The following RABGEF1 variants were observed in gnomAD, a reference collection of about 807,000 sequenced individuals.
RABGEF1 encodes the protein RAB guanine nucleotide exchange factor 1, also known as rab5 GDP/GTP exchange factor.
In RABGEF1, 26 loss-of-function variants were observed where a neutral mutation model predicts 57.3. The observed-to-expected ratio is 0.45, with a 90% CI of 0.33 to 0.63. RABGEF1 has a LOEUF of 0.63. Ranked by LOEUF, RABGEF1 falls within the 20% of genes least tolerant of loss-of-function variation. RABGEF1 has a pLI of 0.02. For synonymous variants in RABGEF1, 185 were observed against 210.7 expected (o/e 0.88, Z 1.06); for missense variants, 464 against 607.6 (o/e 0.76, Z 2.48).
intron 2 of RABGEF1, among the ~76,000 whole-genome samples, chr7:66,732,342 G>C (rs1398269344): frequency 6.6e-6 from 1 of 152,242 alleles, no homozygotes. Flanking sequence ...GTTGGGCTCA[G>C]GCCTGGCATC....
In RABGEF1 at chr7:66,808,366, C is replaced by T. The variant is rs908579092; in HGVS notation, c.1078-520C>T. ...AGGTAGCGGGGATTACAGGCGCCCA[C>T]AACTGCGCCCAGCTAATTTTTGTAT... On this transcript the variant is annotated intron_variant, in intron 8 of 8. Transcript: ENST00000284957. Among the ~76,000 whole-genome samples the T allele has an allele frequency of 4.6e-5, 7 of 152,116 alleles. No homozygotes were observed. In the East Asian group the frequency reaches 1.2e-3, roughly 25 times the overall value.
intron 1 of RABGEF1, among the ~76,000 whole-genome samples, chr7:66,703,582 C>T (rs936636618): frequency 3.3e-5 from 5 of 152,176 alleles, no homozygotes; most frequent in African/African-American, 1.2e-4. Context: ...ATGATCTTGA[C>T]ACCTTTTTCG....
At chr7:66,727,015 A>T (rs1796662593) in intron 2 of RABGEF1, among the ~76,000 whole-genome samples, 1 of 152,172 alleles carries the variant, frequency 6.6e-6, no homozygotes, top group South Asian at 2.1e-4. Context: ...AAAAATAATA[A>T]AATAAAATAT....
chr7:66,732,463 T>C (rs1183714910), intron 2 of RABGEF1, among the ~76,000 whole-genome samples: 1 of 152,056 alleles, frequency 6.6e-6, no homozygotes, highest in Non-Finnish European at 1.5e-5. Flanking sequence ...GGGGAGACTT[T>C]CCAGGTGAGA....
chr7:66,791,801 C>T (rs1425723436), intron 4 of RABGEF1, among the ~76,000 whole-genome samples: 1 of 152,186 alleles, frequency 6.6e-6, no homozygotes, highest in Non-Finnish European at 1.5e-5. Context: ...AAAAATAAAA[C>T]GACAACTTTA....
chr7:66,794,207 ATTTTTTTTTT>A (rs1174835014), intron 4 of RABGEF1, among the ~76,000 whole-genome samples: 1 of 91,104 alleles, frequency 1.1e-5, no homozygotes, highest in African/African-American at 4.4e-5. Flanking sequence ...TCCATGTTTA[ATTTTTTTTTT>A]TTTTTTTTTT....
chr7:66,662,281 A>G, the RABGEF1 span, among the ~76,000 whole-genome samples: 1 of 151,966 alleles, frequency 6.6e-6, no homozygotes, highest in African/African-American at 2.4e-5. Flanking sequence ...AGCCTGTGCA[A>G]CATAGCGAAA....
chr7:66,779,954 C>G (rs1378898140), intron 3 of RABGEF1, among the ~76,000 whole-genome samples: 1 of 152,096 alleles, frequency 6.6e-6, no homozygotes, highest in Non-Finnish European at 1.5e-5. Context: ...TTTTAGGAAG[C>G]TTGGAGAAAA....
intron 2 of RABGEF1, among the ~76,000 whole-genome samples, chr7:66,735,062 ACTAG>A (rs1797791749): frequency 6.6e-6 from 1 of 152,208 alleles, no homozygotes; most frequent in Non-Finnish European, 1.5e-5. Context: ...TTTATTTCCT[ACTAG>A]CTAGTCTAGA....
chr7:66,739,204 C>T (rs562831464), upstream of RABGEF1, among the ~76,000 whole-genome samples: 1 of 151,980 alleles, frequency 6.6e-6, no homozygotes, highest in East Asian at 2.0e-4. Flanking sequence ...CCCGCCTCGG[C>T]TTCCCAAAGT....
chr7:66,671,438 G>C, the RABGEF1 span, among the ~76,000 whole-genome samples: 6 of 152,166 alleles, frequency 3.9e-5, no homozygotes, highest in African/African-American at 1.4e-4. Context: ...AACATGGAGA[G>C]TACCTTTAGA....
intron 1 of RABGEF1, among the ~76,000 whole-genome samples, chr7:66,684,927 A>G (rs745386323): frequency 1.3e-5 from 2 of 152,012 alleles, no homozygotes; most frequent in Non-Finnish European, 2.9e-5. Flanking sequence ...GAGCCACTGT[A>G]TCTGGCCTAA....
At chr7:66,700,665 C>T (rs1344958443) in intron 1 of RABGEF1, among the ~76,000 whole-genome samples, 3 of 152,206 alleles carry the variant, frequency 2.0e-5, no homozygotes, top group Middle Eastern at 3.2e-3. Context: ...TCCCTGGTCA[C>T]ACTTCTGCCA....
chr7:66,664,353 G>A, the RABGEF1 span, among the ~76,000 whole-genome samples: 1 of 152,110 alleles, frequency 6.6e-6, no homozygotes, highest in African/African-American at 2.4e-5. Flanking sequence ...GCCGAGGCGG[G>A]CAGATTACTT....
At chr7:66,685,803 T>C (rs1790534166) in intron 1 of RABGEF1, among the ~76,000 whole-genome samples, 2 of 152,200 alleles carry the variant, frequency 1.3e-5, no homozygotes, top group South Asian at 2.1e-4. Context: ...GCTAGAGACA[T>C]AGAATTTCAG....
At chr7:66,690,576 GT>G (rs1253123194) in intron 1 of RABGEF1, among the ~76,000 whole-genome samples, 3 of 151,154 alleles carry the variant, frequency 2.0e-5, no homozygotes, top group Admixed American at 2.0e-4. Flanking sequence ...TTAGCTGGGT[GT>G]GGTGTTACAT....
chr7:66,775,994 G>C (rs375096309), intron 3 of RABGEF1, among the ~76,000 whole-genome samples: 1 of 152,196 alleles, frequency 6.6e-6, no homozygotes, highest in Non-Finnish European at 1.5e-5. Context: ...ACCAGCAAGA[G>C]GATTGTCACT....
chr7:66,761,389 G>T (rs149139855), intron 1 of RABGEF1, among the ~76,000 whole-genome samples: 178 of 152,292 alleles, frequency 1.2e-3, no homozygotes, highest in African/African-American at 4.1e-3. Flanking sequence ...ATTTGCTGAG[G>T]TGGTTTACAG....
chr7:66,770,864 A>G (rs1806936833), intron 1 of RABGEF1, among the ~76,000 whole-genome samples: 1 of 152,066 alleles, frequency 6.6e-6, no homozygotes, highest in Non-Finnish European at 1.5e-5. Context: ...CATTTCCCTG[A>G]TGATTAGTGA....
Sources: gnomAD v4.1 joint callset for allele counts (sites outside exome capture counted in the v4.1 genomes callset) on GRCh38, gnomAD v4.1.1 for gene constraint, MANE v1.5 for transcripts, NCBI Gene and HGNC (gene_info 2026-07-23, HGNC 2026-07-21) for gene names.